The following NBEA variants were observed in gnomAD, a reference collection of about 807,000 sequenced individuals.
NBEA encodes the protein neurobeachin, also known as lysosomal-trafficking regulator 2.
NBEA carries 44 observed loss-of-function variants against 343.4 expected under a neutral mutation model. The observed-to-expected ratio is 0.13, with a 90% CI of 0.10 to 0.16. The LOEUF is 0.16. Ranked by LOEUF, NBEA falls within the 10% of genes least tolerant of loss-of-function variation. The pLI, the probability that NBEA is intolerant of heterozygous loss-of-function variation, is 1.00. For missense variants in NBEA, 2,555 were observed against 3,631.3 expected, an observed-to-expected ratio of 0.70 and a Z score of 7.62; for synonymous variants, 1,175 against 1,238.7, an observed-to-expected ratio of 0.95 and a Z score of 1.08.
chr13:35,455,409 AAAG>A (rs201290406), intron 40 of NBEA, among the ~76,000 whole-genome samples: 2,697 of 150,504 alleles, frequency 0.018, 72 homozygotes, highest in African/African-American at 0.061. Context: ...AAAAAAAAAA[AAAG>A]AAGAAGAGAA....
intron 17 of NBEA, among the ~76,000 whole-genome samples, chr13:35,134,795 G>A (rs1337134474): frequency 6.6e-6 from 1 of 151,894 alleles, no homozygotes; most frequent in Admixed American, 6.6e-5. Flanking sequence ...TAACTACAAA[G>A]CTGATGTTTT....
intron 38 of NBEA, among the ~76,000 whole-genome samples, chr13:35,412,455 T>C (rs2043645017): frequency 1.3e-5 from 2 of 152,184 alleles, no homozygotes; most frequent in Non-Finnish European, 2.9e-5. Flanking sequence ...TTACTTTGTC[T>C]CACCTCTTTC....
chr13:35,526,609 A>C (rs2077988444), intron 41 of NBEA, among the ~76,000 whole-genome samples: 1 of 152,186 alleles, frequency 6.6e-6, no homozygotes, highest in South Asian at 2.1e-4. Context: ...TCTGTGGCCT[A>C]TGGTGCCTTT....
intron 38 of NBEA, among the ~76,000 whole-genome samples, chr13:35,413,675 T>C (rs2043724236): frequency 6.6e-6 from 1 of 152,174 alleles, no homozygotes; most frequent in Non-Finnish European, 1.5e-5. Flanking sequence ...TCAATAGTAA[T>C]ATTAATTATC....
At chr13:35,044,524 A>G (rs773169251) in intron 2 of NBEA, among the ~76,000 whole-genome samples, 7 of 152,026 alleles carry the variant, frequency 4.6e-5, no homozygotes, top group Admixed American at 2.0e-4. Context: ...TCATTTGACA[A>G]TAACCAGTTT....
chr13:35,043,707 AATTG>A (rs1012002077), intron 2 of NBEA, among the ~76,000 whole-genome samples: 1 of 151,950 alleles, frequency 6.6e-6, no homozygotes, highest in African/African-American at 2.4e-5. Flanking sequence ...TTTAATTATT[AATTG>A]ATTATTAATT....
At chr13:35,287,015 C>T (rs1277088213) in intron 34 of NBEA, among the ~76,000 whole-genome samples, 1 of 152,054 alleles carries the variant, frequency 6.6e-6, no homozygotes, top group African/African-American at 2.4e-5. Flanking sequence ...GAGCTGACTT[C>T]ATCTTTCAAC....
Position 34,995,853 on chromosome 13 carries a change from A to C in NBEA, c.295-45080A>C, listed in dbSNP as rs74332990. Among the ~76,000 whole-genome samples the C allele has an allele frequency of 4.9e-3, 741 of 152,366 alleles. 7 individuals are homozygous for C. The highest frequency in any genetic ancestry group is 0.017 in the African/African-American group (703 of 41,596). On this transcript the variant is annotated intron_variant, in intron 1 of 58. Transcript: ENST00000379939. ...TGCAAATTTTATTTAACAGGTTAAA[A>C]GTTTAGTCCCAGAATATCTGAATTA...
In NBEA at chr13:35,413,728, ATTGT is replaced by A. The variant is rs1265824606; in HGVS notation, c.6180-18539_6180-18536del. On this transcript the variant is annotated intron_variant, in intron 38 of 58. Transcript: ENST00000379939. ...GAAATCTTCCCTTCATTAATTATTG[ATTGT>A]TCATATGTTCTTTTCTTGCAGTAGT... 2.0e-5 allele frequency among the ~76,000 whole-genome samples: 3 copies of A among 152,194 alleles called. No individual in the cohort carries two copies. In the East Asian group the frequency reaches 5.8e-4, roughly 29 times the overall value.
At chr13:35,466,770 TA>T (rs1007866915) in intron 40 of NBEA, among the ~76,000 whole-genome samples, 3 of 151,210 alleles carry the variant, frequency 2.0e-5, no homozygotes, top group Non-Finnish European at 3.0e-5. Context: ...TGCCCAGCCC[TA>T]AAAAAAAAGT....
At position 35,354,852 on chromosome 13, in the gene NBEA, G is replaced by A. The variant is rs575079276; in HGVS notation, c.6179+2529G>A. On this transcript the variant is annotated intron_variant, in intron 38 of 58. Transcript: ENST00000379939. ...ATTATTCCAAGTCCAGATCTCTCCC[G>A]TCGCCAGGTCTGTATATTCATCTGC... Among the ~76,000 whole-genome samples the A allele has an allele frequency of 9.7e-4, 147 of 152,074 alleles. 1 individual carries two copies. The highest frequency in any genetic ancestry group is 1.9e-3 in the Non-Finnish European group (127 of 67,990).
intron 49 of NBEA, among the ~76,000 whole-genome samples, chr13:35,635,766 GACAC>G (rs1276655430): frequency 6.6e-6 from 1 of 152,168 alleles, no homozygotes; most frequent in Non-Finnish European, 1.5e-5. Flanking sequence ...GGAAATTAAT[GACAC>G]ACATTTAATT....
At chr13:35,288,742 G>A (rs1042327197) in intron 34 of NBEA, among the ~76,000 whole-genome samples, 16 of 151,838 alleles carry the variant, frequency 1.1e-4, no homozygotes, top group African/African-American at 3.1e-4. Context: ...AAATGTATGC[G>A]AATAATTCTT....
At chr13:35,529,850 A>G (rs1004653516) in intron 41 of NBEA, among the ~76,000 whole-genome samples, 4 of 152,232 alleles carry the variant, frequency 2.6e-5, no homozygotes, top group Non-Finnish European at 5.9e-5. Flanking sequence ...CTCATTTTGT[A>G]CCATTATTCT....
In NBEA at chr13:34,953,880, C is replaced by T. The variant is rs568950076; in HGVS notation, c.294+10766C>T. On this transcript the variant is annotated intron_variant, in intron 1 of 58. Coordinates refer to ENST00000379939, the MANE Select transcript of NBEA (RefSeq NM_001385012.1). ...CTGCCTCCTGTCAGATCAGCAGTGC[C>T]GTTAGATTCTCAAAGGAGAGCAAAC... 3.6e-4 allele frequency among the ~76,000 whole-genome samples: 55 copies of T among 152,280 alleles called. No individual in the cohort carries two copies. In the South Asian group the frequency reaches 4.6e-3, roughly 13 times the overall value.
chr13:35,570,163 A>G (rs1298718657), intron 45 of NBEA, among the ~76,000 whole-genome samples: 1 of 152,090 alleles, frequency 6.6e-6, no homozygotes, highest in African/African-American at 2.4e-5. Context: ...CCTCCCAAGT[A>G]GCTGGGATTA....
intron 48 of NBEA, among the ~76,000 whole-genome samples, chr13:35,611,870 A>C (rs577269965): frequency 3.9e-5 from 6 of 152,346 alleles, no homozygotes; most frequent in Non-Finnish European, 8.8e-5. Context: ...TGCTATGAAC[A>C]GTCATATACA....
chr13:35,352,355 T>C, intron 38 of NBEA, 32 bp downstream of exon 38: 2 of 1,260,040 alleles, frequency 1.6e-6, no homozygotes, highest in Non-Finnish European at 2.1e-6. Context: ...TAAATAATAA[T>C]TCATAGGTTA....
chr13:35,585,449 C>T (rs898166259), intron 46 of NBEA, among the ~76,000 whole-genome samples: 1 of 152,076 alleles, frequency 6.6e-6, no homozygotes, highest in Non-Finnish European at 1.5e-5. Flanking sequence ...GTTCCTTTTA[C>T]AATACCCTCT....
Sources: gnomAD v4.1 joint callset for allele counts (sites outside exome capture counted in the v4.1 genomes callset) on GRCh38, gnomAD v4.1.1 for gene constraint, MANE v1.5 for transcripts, NCBI Gene and HGNC (gene_info 2026-07-23, HGNC 2026-07-21) for gene names.